Variants in RAB32 observed in about 807,000 individuals in gnomAD.
The protein encoded by RAB32 is ras-related protein Rab-32.
In RAB32, 17 loss-of-function variants were observed where a neutral mutation model predicts 17.5. The observed-to-expected ratio is 0.97, with a 90% CI of 0.67 to 1.46. The LOEUF (loss-of-function observed/expected upper bound fraction) is 1.46, where lower values mean the gene tolerates loss of function less well. Ranked by LOEUF, RAB32 falls within the 40% of genes most tolerant of loss-of-function variation. The pLI, the probability that RAB32 is intolerant of heterozygous loss-of-function variation, is 0.00. For missense variants in RAB32, 288 were observed against 284.3 expected (o/e 1.01, Z -0.09); for synonymous variants, 115 against 111.1 (o/e 1.04, Z -0.22).
chr6:146,544,089 C>T lies in RAB32; in HGVS notation c.218C>T (p.Thr73Ile), dbSNP rs1473092540. ...ALKVLNWDSR[T>I]LVRLQLWDIA... ...AAGGTCCTCAACTGGGACAGCAGGA[C>T]TCTGGTGCGCCTGCAGCTGTGGGAC... Residue 73 changes from threonine to isoleucine, a missense_variant, in exon 1 of 3, where the codon ACT (threonine) becomes ATT (isoleucine). Transcript: ENST00000367495. The T allele has an allele frequency of 6.2e-7, 1 of 1,613,308 alleles. No homozygotes were observed. The highest frequency in any genetic ancestry group is 1.7e-5 in the Admixed American group (1 of 59,990).
intron 1 of RAB32, among the ~76,000 whole-genome samples, chr6:146,545,637 G>A (rs1779810527): frequency 6.6e-6 from 1 of 152,216 alleles, no homozygotes; most frequent in Non-Finnish European, 1.5e-5. Flanking sequence ...GAAAAAAGGA[G>A]TAATCAGCCA....
intron 2 of RAB32, among the ~76,000 whole-genome samples, chr6:146,551,687 C>G (rs972500014): frequency 7.9e-5 from 12 of 152,024 alleles, no homozygotes; most frequent in African/African-American, 2.9e-4. Flanking sequence ...CCCCTTTAGG[C>G]TCTATTTAAT....
At chr6:146,552,012 A>G (rs1779903927) in intron 2 of RAB32, among the ~76,000 whole-genome samples, 1 of 152,218 alleles carries the variant, frequency 6.6e-6, no homozygotes, top group East Asian at 1.9e-4. Context: ...ACTAAGGTAC[A>G]CTTCTGAGCT....
Position 146,554,574 on chromosome 6 carries a change from T to C in RAB32, c.647T>C (p.Leu216Ser), listed in dbSNP as rs376656065. The C allele has an allele frequency of 8.1e-5, 130 of 1,613,482 alleles. No individual in the cohort carries two copies. The highest frequency in any genetic ancestry group is 1.1e-4 in the Non-Finnish European group (125 of 1,179,756). Residue 216 changes from leucine to serine, a missense_variant, in exon 3 of 3, where the codon TTG becomes TCG. Transcript: ENST00000367495. Reference sequence around the variant, plus strand: ...AAAATTAAGCTAGATCAAGAGACCTTGAGAGCAGAGAACAAATCCCAGTGT... The same window carrying C: ...AAAATTAAGCTAGATCAAGAGACCTCGAGAGCAGAGAACAAATCCCAGTGT... ...VDKIKLDQETLRAENKSQCC is the reference protein window; with the variant it reads ...VDKIKLDQETSRAENKSQCC
At chr6:146,545,639 A>G (rs1317141144) in intron 1 of RAB32, among the ~76,000 whole-genome samples, 1 of 152,236 alleles carries the variant, frequency 6.6e-6, no homozygotes, top group Non-Finnish European at 1.5e-5. Context: ...AAAAAGGAGT[A>G]ATCAGCCAGG....
In RAB32 at chr6:146,554,719, G is replaced by A; in HGVS notation, c.*114G>A. On this transcript the variant is annotated 3_prime_UTR_variant, in exon 3 of 3. Transcript: ENST00000367495. Reference sequence around the variant, plus strand: ...CCCACATGTGGCACTTCAAAAGGCAGCACCACTGGGCGCCTGCACTTATTT... The same window carrying A: ...CCCACATGTGGCACTTCAAAAGGCAACACCACTGGGCGCCTGCACTTATTT... 1 of 1,155,742 alleles carries A rather than the reference G, an allele frequency of 8.7e-7. No individual in the cohort carries two copies. The highest frequency in any genetic ancestry group is 1.2e-6 in the Non-Finnish European group (1 of 824,184). The allele number at this position is 1,155,742 out of a possible 1,614,324, so 71.6% of individuals were successfully genotyped here.
intron 2 of RAB32, among the ~76,000 whole-genome samples, chr6:146,550,730 G>C (rs1384152718): frequency 6.7e-6 from 1 of 148,172 alleles, no homozygotes; most frequent in Non-Finnish European, 1.5e-5. Context: ...TGTTTGGGGG[G>C]GGGGTTACGT....
intron 1 of RAB32, among the ~76,000 whole-genome samples, chr6:146,547,172 A>G (rs1364259643): frequency 6.6e-6 from 1 of 152,200 alleles, no homozygotes; most frequent in East Asian, 1.9e-4. Context: ...TACTCAAGAT[A>G]TAGCAAGAGA....
chr6:146,548,033 T>C (rs1032342452), intron 1 of RAB32, among the ~76,000 whole-genome samples: 1 of 152,204 alleles, frequency 6.6e-6, no homozygotes, highest in African/African-American at 2.4e-5. Flanking sequence ...ATGCATATAG[T>C]CTTTCTGCAG....
chr6:146,544,059 C>T lies in RAB32; in HGVS notation c.188C>T (p.Ala63Val). The change falls in exon 1 of 3, where the codon GCC becomes GTC. Residue 63 changes from alanine to valine, a missense_variant. Transcript: ENST00000367495. ...HYRATIGVDF[A>V]LKVLNWDSRT... ...CGGGCCACCATCGGGGTGGACTTCG[C>T]CCTCAAGGTCCTCAACTGGGACAGC... 6.2e-7 allele frequency: 1 copy of T among 1,613,920 alleles called. No individual in the cohort carries two copies. Among genetic ancestry groups the T allele is most frequent in the Non-Finnish European group, 8.5e-7 (1 of 1,179,956 alleles).
At chr6:146,549,887 C>A in intron 2 of RAB32, 146 bp downstream of exon 2, 1 of 925,292 alleles carries the variant, frequency 1.1e-6, no homozygotes, top group Non-Finnish European at 1.6e-6. Context: ...TAGCTTCTTT[C>A]AGTCCACAAC....
At chr6:146,551,753 A>G (rs1192905964) in intron 2 of RAB32, among the ~76,000 whole-genome samples, 1 of 152,170 alleles carries the variant, frequency 6.6e-6, no homozygotes, top group Non-Finnish European at 1.5e-5. Flanking sequence ...TGTGACTAGT[A>G]GCTTGTGACT....
Position 146,554,659 on chromosome 6 carries a change from A to T in RAB32, c.*54A>T, listed in dbSNP as rs915488648. The T allele has an allele frequency of 3.8e-6, 6 of 1,561,676 alleles. No individual in the cohort carries two copies. In the African/African-American group the frequency reaches 6.9e-5, roughly 18 times the overall value. On this transcript the variant is annotated 3_prime_UTR_variant, in exon 3 of 3. Transcript: ENST00000367495. Reference sequence around the variant, plus strand: ...CCTCAGCTCTGAAGAAGTTCCTGAGAATGGGTTACAGATGTCATGTTAGCT... The same window carrying T: ...CCTCAGCTCTGAAGAAGTTCCTGAGTATGGGTTACAGATGTCATGTTAGCT...
At chr6:146,548,046 T>G (rs1226283861) in intron 1 of RAB32, among the ~76,000 whole-genome samples, 1 of 152,320 alleles carries the variant, frequency 6.6e-6, no homozygotes, top group South Asian at 2.1e-4. Flanking sequence ...TTCTGCAGAA[T>G]AGCGATTTTG....
At position 146,554,683 on chromosome 6, in the gene RAB32, C is replaced by T. The variant is rs1779938305; in HGVS notation, c.*78C>T. The T allele has an allele frequency of 4.1e-6, 6 of 1,477,382 alleles. No homozygotes were observed. The highest frequency in any genetic ancestry group is 1.4e-5 in the South Asian group (1 of 71,990). 91.5% of individuals were successfully genotyped at this position (1,477,382 alleles called of 1,614,324 possible). On this transcript the variant is annotated 3_prime_UTR_variant, in exon 3 of 3. Transcript: ENST00000367495. ...GAATGGGTTACAGATGTCATGTTAG[C>T]TGGGAGTCTTCCCACATGTGGCACT...
chr6:146,549,865 A>T (rs1231379940), intron 2 of RAB32, 124 bp downstream of exon 2: 1 of 1,138,990 alleles, frequency 8.8e-7, no homozygotes, highest in African/African-American at 1.6e-5. Flanking sequence ...GAAGTGTAGC[A>T]TGGATGTGTT....
chr6:146,554,759 G>T lies in RAB32; in HGVS notation c.*154G>T. ...TGCACTTATTTGAAAATGGAACTTT[G>T]GGAGAAGTATCCCTGCTAGTGGCTC... On this transcript the variant is annotated 3_prime_UTR_variant, in exon 3 of 3. Transcript: ENST00000367495. 1 of 689,506 alleles carries T rather than the reference G, an allele frequency of 1.5e-6. No homozygotes were observed. 42.7% of individuals were successfully genotyped at this position (689,506 alleles called of 1,614,324 possible).
rs542594329 is a variant in RAB32, at chr6:146,548,751, G to A, written c.251-713G>A. Among the ~76,000 whole-genome samples, 12 of 152,296 alleles carry A rather than the reference G, an allele frequency of 7.9e-5. No homozygotes were observed. The South Asian group carries it at 2.5e-3, about 32-fold the overall frequency. ...AGATTAGTACAATAGCAGATAGTAA[G>A]AGAACGCTTTGCAAAGTCCTATATA... On this transcript the variant is annotated intron_variant, in intron 1 of 2. Coordinates refer to ENST00000367495, the MANE Select transcript of RAB32 (RefSeq NM_006834.5).
At position 146,544,043 on chromosome 6, in the gene RAB32, A is replaced by G; in HGVS notation, c.172A>G (p.Ile58Val). 1 of 1,613,798 alleles carries G rather than the reference A, an allele frequency of 6.2e-7. No homozygotes were observed. The highest frequency in any genetic ancestry group is 8.5e-7 in the Non-Finnish European group (1 of 1,179,920). ...CTTCTCCCAGCACTACCGGGCCACC[A>G]TCGGGGTGGACTTCGCCCTCAAGGT... is the stretch of plus-strand genomic sequence containing the variant. ...QLFSQHYRAT[I>V]GVDFALKVLN... is the part of the protein sequence containing the mutation. The change falls in exon 1 of 3, where the codon ATC becomes GTC. Residue 58 changes from isoleucine (I) to valine (V), a missense_variant. By Grantham distance (29) the Ile-to-Val change is conservative. Coordinates refer to ENST00000367495, the MANE Select transcript of RAB32 (RefSeq NM_006834.5).
Sources: allele counts gnomAD v4.1 joint callset (sites outside exome capture counted in the v4.1 genomes callset), GRCh38; gene constraint gnomAD v4.1.1; transcripts MANE v1.5; gene names NCBI Gene and HGNC (gene_info 2026-07-23, HGNC 2026-07-21).